The following CP variants were observed in gnomAD, a reference collection of about 807,000 sequenced individuals.
The protein encoded by CP is caeruloplasmin.
In CP, 64 loss-of-function variants were observed where a neutral mutation model predicts 122.4. The ratio of observed to expected loss-of-function variants is 0.52; its 90% CI spans 0.43 to 0.64. CP has a LOEUF of 0.64. CP is among the 30% of genes least tolerant of loss of function. The pLI, the probability that CP is intolerant of heterozygous loss-of-function variation, is 0.00. For missense variants in CP, 1,167 were observed against 1,284.4 expected (o/e 0.91, Z 1.40); for synonymous variants, 440 against 436.4 (o/e 1.01, Z -0.10).
At chr3:149,209,178 A>G (rs1179533607) in intron 4 of CP, 33 bp downstream of exon 4, 1 of 1,613,192 alleles carries the variant, frequency 6.2e-7, no homozygotes, top group African/African-American at 1.3e-5. Context: ...AAGGGAAAAA[A>G]AAGTAAAGTT....
chr3:149,210,445 G>T, intron 2 of CP, 66 bp from the exon 3 acceptor site: 1 of 1,316,760 alleles, frequency 7.6e-7, no homozygotes, highest in Non-Finnish European at 1.1e-6. Flanking sequence ...AGAATAGATA[G>T]TCCATTAATT....
Position 149,178,440 on chromosome 3 carries a change from T to G in CP, c.2853A>C (p.Glu951Asp), listed in dbSNP as rs774549595. 1 of 1,610,932 alleles carries G rather than the reference T, an allele frequency of 6.2e-7. No homozygotes were observed. Among genetic ancestry groups the G allele is most frequent in the Non-Finnish European group, 8.5e-7 (1 of 1,177,236 alleles). The change falls in exon 16 of 19, where the codon GAA becomes GAC. Residue 951 changes from glutamate to aspartate, a missense_variant. Physicochemically the swap from Glu to Asp is conservative, Grantham distance 45. Around this residue, in one of 2 missense-constraint regions of CP, gnomAD observed 525 missense variants for 657.2 expected, o/e 0.80. Transcript: ENST00000264613. ...HPEKVNKDDE[E>D]FIESNKMHAI... Reference sequence around the variant, plus strand: ...CATGCATTTTATTGCTTTCTATGAATTCCTCATCATCTTTGTTTACTTTCT... The same window carrying G: ...CATGCATTTTATTGCTTTCTATGAAGTCCTCATCATCTTTGTTTACTTTCT...
At chr3:149,210,021 G>A in intron 3 of CP, 146 bp downstream of exon 3, 1 of 707,280 alleles carries the variant, frequency 1.4e-6, no homozygotes, top group Non-Finnish European at 2.4e-6. Flanking sequence ...GTCCTGCCTG[G>A]CTCTTCCCTT....
chr3:149,205,815 T>C (rs1727673701), intron 6 of CP, among the ~76,000 whole-genome samples: 1 of 152,076 alleles, frequency 6.6e-6, no homozygotes, highest in Non-Finnish European at 1.5e-5. Context: ...GTTCTGGAAA[T>C]GGATAGTGGT....
At chr3:149,218,396 C>A (rs1243752518) in intron 1 of CP, among the ~76,000 whole-genome samples, 1 of 152,096 alleles carries the variant, frequency 6.6e-6, no homozygotes, top group Non-Finnish European at 1.5e-5. Flanking sequence ...GGCACTGACC[C>A]AAGTAAATAG....
downstream of CP, chr3:149,172,067 T>G: frequency 6.2e-7 from 1 of 1,608,874 alleles, no homozygotes; most frequent in Non-Finnish European, 8.5e-7. Context: ...GACTTTCAAT[T>G]CTAATTCAGA....
In CP at chr3:149,212,522, T is replaced by A; in HGVS notation, c.323A>T (p.His108Leu). Residue 108 changes from histidine to leucine, a missense_variant, in exon 2 of 19, where the codon CAC becomes CTC. Physicochemically the swap from His to Leu is moderately conservative, Grantham distance 99. Around this residue, in one of 2 missense-constraint regions of CP, gnomAD observed 642 missense variants for 627.3 expected, o/e 1.02. Transcript: ENST00000264613. ...KAETGDKVYV[H>L]LKNLASRPYT... ...GGGCCTAGAGGCAAGGTTTTTTAAG[T>A]GTACATAAACTTTATCTCCAGTTTC... 2 of 1,613,942 alleles carry A rather than the reference T, an allele frequency of 1.2e-6. No homozygotes were observed. Among genetic ancestry groups the A allele is most frequent in the South Asian group, 1.1e-5 (1 of 91,066 alleles).
At chr3:149,202,291 G>A in intron 6 of CP, 50 bp from the exon 7 acceptor site, 1 of 1,612,924 alleles carries the variant, frequency 6.2e-7, no homozygotes, top group Non-Finnish European at 8.5e-7. Flanking sequence ...AGAACAGAAA[G>A]CAGGTATTCA....
At chr3:149,209,125 A>G (rs1245061076) in intron 4 of CP, 86 bp downstream of exon 4, 6 of 1,517,318 alleles carry the variant, frequency 4.0e-6, no homozygotes, top group African/African-American at 1.4e-5. Context: ...GACACACAGT[A>G]CTTATTTATG....
rs368946126 is a variant in CP, at chr3:149,189,553, C to CA, written c.1714-1352dup. On this transcript the variant is annotated intron_variant, in intron 9 of 18. Transcript: ENST00000264613. ...TGGGTAACAGAGCGAGACTCTATCT[C>CA]AAAAAAAAAAAAAAAAAGTTATGAA... 7.0e-3 allele frequency among the ~76,000 whole-genome samples: 627 copies of CA among 89,106 alleles called. 1 individual carries two copies. Among genetic ancestry groups the CA allele is most frequent in the East Asian group, 0.038 (93 of 2,432 alleles). The allele number at this position is 89,106 out of a possible 152,430, so 58.5% of individuals were successfully genotyped here.
intron 9 of CP, among the ~76,000 whole-genome samples, chr3:149,190,379 T>A (rs1205879891): frequency 6.6e-6 from 1 of 152,030 alleles, no homozygotes; most frequent in Non-Finnish European, 1.5e-5. Flanking sequence ...ATAAACAGGC[T>A]GGGTGCGGTG....
At chr3:149,181,979 A>ACCACCACCCC in intron 14 of CP, 26 bp downstream of exon 14, 1 of 515,794 alleles carries the variant, frequency 1.9e-6, no homozygotes. Context: ...AAAATGCACC[A>ACCACCACCCC]CCCCCACCCC....
At chr3:149,203,443 T>C (rs1025463455) in intron 6 of CP, among the ~76,000 whole-genome samples, 12 of 152,086 alleles carry the variant, frequency 7.9e-5, no homozygotes, top group African/African-American at 2.9e-4. Flanking sequence ...TTTTGGTTTT[T>C]AATAGAGACG....
rs1726184695 is a variant in CP, at chr3:149,186,561, G to A, written c.2036C>T (p.Pro679Leu). The A allele has an allele frequency of 6.2e-7, 1 of 1,614,198 alleles. No homozygotes were observed. The highest frequency in any genetic ancestry group is 8.5e-7 in the Non-Finnish European group (1 of 1,180,038). Reference sequence around the variant, plus strand: ...CATGTGGAGCGTAAGACTTGTTTGAGGGAAGAGGTTTGCTGTGTCTCTCCG... The same window carrying A: ...CATGTGGAGCGTAAGACTTGTTTGAAGGAAGAGGTTTGCTGTGTCTCTCCG... ...GERRDTANLF[P>L]QTSLTLHMWP... Residue 679 changes from proline to leucine, a missense_variant, in exon 11 of 19, where the codon CCT becomes CTT. Physicochemically the swap from Pro to Leu is moderately conservative, Grantham distance 98 (BLOSUM62 -3). Transcript: ENST00000264613.
At chr3:149,182,680 A>G (rs1725863794) in intron 13 of CP, among the ~76,000 whole-genome samples, 1 of 152,182 alleles carries the variant, frequency 6.6e-6, no homozygotes, top group Admixed American at 6.5e-5. Context: ...GTCCTAAAAA[A>G]TTGAAGGCAG....
intron 8 of CP, among the ~76,000 whole-genome samples, chr3:149,199,327 T>C (rs1727133967): frequency 6.6e-6 from 1 of 152,154 alleles, no homozygotes; most frequent in Admixed American, 6.5e-5. Context: ...ATAAGAGCGA[T>C]TGCTTATAGA....
chr3:149,188,276 A>G, intron 9 of CP, 74 bp from the exon 10 acceptor site: 1 of 1,229,354 alleles, frequency 8.1e-7, no homozygotes, highest in Non-Finnish European at 1.2e-6. Flanking sequence ...AATACTATTT[A>G]TGCACAAACA....
chr3:149,190,959 T>G (rs1726509140), intron 9 of CP, among the ~76,000 whole-genome samples: 1 of 152,176 alleles, frequency 6.6e-6, no homozygotes, highest in Non-Finnish European at 1.5e-5. Context: ...CATACTTAAG[T>G]GTTGTTCTCC....
chr3:149,203,173 C>G (rs1231039555), intron 6 of CP, among the ~76,000 whole-genome samples: 1 of 152,178 alleles, frequency 6.6e-6, no homozygotes, highest in Non-Finnish European at 1.5e-5. Flanking sequence ...TTGCAAAGTA[C>G]TGAGATTACA....
Sources: gnomAD v4.1 joint callset for allele counts (sites outside exome capture counted in the v4.1 genomes callset) on GRCh38, gnomAD v4.1.1 for gene constraint, gnomAD v4.1.1 regional missense constraint, MANE v1.5 for transcripts, NCBI Gene and HGNC (gene_info 2026-07-23, HGNC 2026-07-21) for gene names.